Variants in OSBPL5 observed in about 807,000 individuals in gnomAD.
OSBPL5 encodes oxysterol-binding protein-related protein 5.
A neutral mutation model predicts 111.2 loss-of-function variants in OSBPL5; 71 were observed. The ratio of observed to expected loss-of-function variants is 0.64; its 90% CI spans 0.53 to 0.78. The LOEUF is 0.78. Ranked by LOEUF, OSBPL5 falls within the 30% of genes least tolerant of loss-of-function variation. OSBPL5 has a pLI of 0.00. For synonymous variants in OSBPL5, 549 were observed against 513.9 expected (o/e 1.07, Z -0.93); for missense variants, 1,210 against 1,189.3 (o/e 1.02, Z -0.26).
intron 7 of OSBPL5, among the ~76,000 whole-genome samples, 174 bp downstream of exon 7, chr11:3,119,373 G>C (rs1033000937): frequency 2.6e-5 from 4 of 152,216 alleles, no homozygotes; most frequent in African/African-American, 9.6e-5. Context: ...AGGCATGGGG[G>C]CTCTGTGAGT....
Position 3,104,448 on chromosome 11 carries a change from G to T in OSBPL5, c.1060-71C>A. ...AGGAAGGGGTGGCGGGACAGTGGCA[G>T]CTCTGGCTGGAGGAGGCTGTACCTG... On this transcript the variant is annotated intron_variant, in intron 9 of 21. Transcript: ENST00000263650. This position sits in a 1 kb window ranked among gnomAD's most constrained non-coding sequence, Gnocchi z 5.0. 1 of 1,541,348 alleles carries T rather than the reference G, an allele frequency of 6.5e-7. No individual in the cohort carries two copies.
At chr11:3,096,051 A>T (rs1857242034) in intron 14 of OSBPL5, among the ~76,000 whole-genome samples, 1 of 152,190 alleles carries the variant, frequency 6.6e-6, no homozygotes, top group Admixed American at 6.5e-5. Flanking sequence ...CAGCCAGGAA[A>T]ATCCATGCTA....
Position 3,117,557 on chromosome 11 carries a change from A to G in OSBPL5, c.691+1990T>C, listed in dbSNP as rs536457476. 2.6e-5 allele frequency among the ~76,000 whole-genome samples: 4 copies of G among 152,360 alleles called. No individual in the cohort carries two copies. The South Asian group carries it at 6.2e-4, about 24-fold the overall frequency. On this transcript the variant is annotated intron_variant, in intron 7 of 21. Transcript: ENST00000263650. ...TATAATAAAGCAAACCAGTCCTACC[A>G]TAATTTGTCCTTAGTTAAAATGGGA...
At chr11:3,091,566 A>G (rs1425542891) in intron 19 of OSBPL5, among the ~76,000 whole-genome samples, 1 of 151,398 alleles carries the variant, frequency 6.6e-6, no homozygotes, top group Admixed American at 6.6e-5. Flanking sequence ...GAGGCTGAGG[A>G]GCGGGACTGC....
At chr11:3,097,024 G>GAAGATGGGAGGAGA (rs1857287674) in intron 14 of OSBPL5, among the ~76,000 whole-genome samples, 1 of 104,174 alleles carries the variant, frequency 9.6e-6, no homozygotes, top group African/African-American at 3.9e-5. Flanking sequence ...ACGGGAGGGG[G>GAAGATGGGAGGAGA]AGGAGAGGAA....
intron 7 of OSBPL5, among the ~76,000 whole-genome samples, chr11:3,111,894 G>T (rs1403032682): frequency 1.3e-5 from 2 of 152,098 alleles, no homozygotes; most frequent in African/African-American, 4.8e-5. Flanking sequence ...GATTTAAAAA[G>T]ATTTTTTCAA....
At chr11:3,100,065 G>T in intron 14 of OSBPL5, 93 bp downstream of exon 14, 379 of 804,754 alleles carry the variant, frequency 4.7e-4, no homozygotes, top group Non-Finnish European at 6.9e-4. Flanking sequence ...GCGAAGTAAA[G>T]ATACCTTCAA....
At position 3,092,613 on chromosome 11, in the gene OSBPL5, G is replaced by A; in HGVS notation, c.2133-55C>T. On this transcript the variant is annotated intron_variant, in intron 18 of 21. Transcript: ENST00000263650. This position sits in a 1 kb window ranked among gnomAD's most constrained non-coding sequence, Gnocchi z 5.4. ...CAGGCAGTGGCCCTCAGGTGAGGGG[G>A]CTGTCCTGGCCCAGTCTTCAGCCCC... 1.3e-6 allele frequency: 2 copies of A among 1,508,676 alleles called. No individual in the cohort carries two copies. Among genetic ancestry groups the A allele is most frequent in the African/African-American group, 1.4e-5 (1 of 72,780 alleles). 93.5% of individuals were successfully genotyped at this position (1,508,676 alleles called of 1,614,324 possible).
In OSBPL5 at chr11:3,124,373, G is replaced by A. The variant is rs182215517; in HGVS notation, c.220-1945C>T. On this transcript the variant is annotated intron_variant, in intron 3 of 21. Coordinates refer to ENST00000263650, the MANE Select transcript of OSBPL5 (RefSeq NM_020896.4). Reference sequence around the variant, plus strand: ...TGAGTGATAAGGAGGAGGCAGATCTGAGTGACGAGGCATATGCTGGACCCT... The same window carrying A: ...TGAGTGATAAGGAGGAGGCAGATCTAAGTGACGAGGCATATGCTGGACCCT... Among the ~76,000 whole-genome samples the A allele has an allele frequency of 3.2e-4, 48 of 152,330 alleles. 1 individual carries two copies. The highest frequency in any genetic ancestry group is 1.1e-3 in the African/African-American group (47 of 41,584).
Position 3,154,660 on chromosome 11 carries a change from G to C in OSBPL5, c.-22+10556C>G, listed in dbSNP as rs537454233. Among the ~76,000 whole-genome samples, 173 of 152,256 alleles carry C rather than the reference G, an allele frequency of 1.1e-3. 5 individuals carry two copies. In the South Asian group the frequency reaches 0.034, roughly 30 times the overall value. On this transcript the variant is annotated intron_variant, in intron 1 of 21. Coordinates refer to ENST00000263650, the MANE Select transcript of OSBPL5 (RefSeq NM_020896.4). The surrounding 1 kb of genome is among the most constrained non-coding windows in gnomAD (Gnocchi z 4.9). ...CCACTGACGAGACGCCTGGCAGTGC[G>C]GGGGCCCCAGGGTTAGTCTGACTGC...
intron 14 of OSBPL5, among the ~76,000 whole-genome samples, chr11:3,099,447 TTAA>T (rs1470483109): frequency 1.3e-5 from 2 of 152,118 alleles, no homozygotes; most frequent in Non-Finnish European, 2.9e-5. Flanking sequence ...GTGTGAGATG[TTAA>T]TAACAGGGGA....
At chr11:3,136,673 C>T (rs1845956571) in intron 1 of OSBPL5, among the ~76,000 whole-genome samples, 1 of 152,202 alleles carries the variant, frequency 6.6e-6, no homozygotes, top group Non-Finnish European at 1.5e-5. Flanking sequence ...CCCAGGCCCA[C>T]AGGAGGCCCT....
At chr11:3,125,752 C>T (rs1248053679) in intron 3 of OSBPL5, among the ~76,000 whole-genome samples, 1 of 147,542 alleles carries the variant, frequency 6.8e-6, no homozygotes, top group African/African-American at 2.6e-5. Flanking sequence ...TTGCAGTGAG[C>T]CGAGATCGCG....
chr11:3,141,910 TTC>T lies in OSBPL5; in HGVS notation c.-21-12743_-21-12742del. On this transcript the variant is annotated intron_variant, in intron 1 of 21. Transcript: ENST00000263650. This position sits in a 1 kb window ranked among gnomAD's most constrained non-coding sequence, Gnocchi z 6.5. ...CTCCATGTTACAGTTGCAGTTTCTT[TTC>T]TTTCTTTTTATTTTTTTTGAGACGG... is the stretch of plus-strand genomic sequence containing the variant. Among the ~76,000 whole-genome samples the T allele has an allele frequency of 6.6e-6, 1 of 152,204 alleles. No homozygotes were observed. Among genetic ancestry groups the T allele is most frequent in the South Asian group, 2.1e-4 (1 of 4,826 alleles).
Position 3,110,956 on chromosome 11 carries a change from T to G in OSBPL5, c.692-3011A>C, listed in dbSNP as rs963292332. Among the ~76,000 whole-genome samples the G allele has an allele frequency of 2.6e-5, 4 of 152,100 alleles. No homozygotes were observed. Among genetic ancestry groups the G allele is most frequent in the Non-Finnish European group, 4.4e-5 (3 of 68,028 alleles). ...GTCTTCAACCTTGGCAAAATAAACT[T>G]TCTAAATTAACTGAGACCTGTCTCA... On this transcript the variant is annotated intron_variant, in intron 7 of 21. Transcript: ENST00000263650. The surrounding 1 kb of genome is among the most constrained non-coding windows in gnomAD (Gnocchi z 5.3).
chr11:3,093,990 C>T (rs1003422634), intron 15 of OSBPL5, among the ~76,000 whole-genome samples, 155 bp from the exon 16 acceptor site: 1 of 152,198 alleles, frequency 6.6e-6, no homozygotes, highest in African/African-American at 2.4e-5. Flanking sequence ...TCGGGACCCC[C>T]ACGCCTCCGC....
intron 1 of OSBPL5, among the ~76,000 whole-genome samples, chr11:3,152,146 AG>A (rs1846612691): frequency 6.6e-6 from 1 of 152,228 alleles, no homozygotes. Context: ...TAAGGGAGGC[AG>A]GGTGGCCCTG....
chr11:3,089,760 G>A, intron 21 of OSBPL5, 86 bp downstream of exon 21: 12 of 1,318,138 alleles, frequency 9.1e-6, no homozygotes, highest in Non-Finnish European at 1.1e-5. Context: ...GCGGCCTCCT[G>A]GCCTCCCCAC....
At chr11:3,093,436 C>A in intron 17 of OSBPL5, 91 bp downstream of exon 17, 2 of 1,537,296 alleles carry the variant, frequency 1.3e-6, no homozygotes, top group Admixed American at 1.8e-5. Flanking sequence ...CATCCTGGGG[C>A]CATGCTCACA....
Sources: gnomAD v4.1 joint callset for allele counts (sites outside exome capture counted in the v4.1 genomes callset) on GRCh38, gnomAD v4.1.1 for gene constraint, Gnocchi (gnomAD v3.1) non-coding constraint, MANE v1.5 for transcripts, NCBI Gene and HGNC (gene_info 2026-07-23, HGNC 2026-07-21) for gene names.